OLA1: variants seen among roughly 807,000 people sequenced by gnomAD.
OLA1 encodes Obg like ATPase 1.
A neutral mutation model predicts 48.4 loss-of-function variants in OLA1; 14 were observed. The ratio of observed to expected loss-of-function variants is 0.29; its 90% CI spans 0.19 to 0.45. The LOEUF is 0.45. OLA1 is among the 20% of genes least tolerant of loss of function. OLA1 has a pLI of 1.00. For synonymous variants in OLA1, 127 were observed against 150.4 expected (o/e 0.84, Z 1.14); for missense variants, 325 against 467.1 (o/e 0.70, Z 2.80).
chr2:174,098,352 G>A (rs16862357), intron 7 of OLA1, among the ~76,000 whole-genome samples: 15,096 of 152,008 alleles, frequency 0.099, 1,039 homozygotes, highest in African/African-American at 0.18. Flanking sequence ...TGGTGTTTAC[G>A]GTCTTATACA....
intron 4 of OLA1, among the ~76,000 whole-genome samples, chr2:174,218,232 A>T (rs1023723964): frequency 6.6e-6 from 1 of 152,140 alleles, no homozygotes; most frequent in Non-Finnish European, 1.5e-5. Flanking sequence ...TTTTTGGAAA[A>T]GTATTCCAAG....
chr2:174,096,600 T>C (rs966888592), intron 7 of OLA1, among the ~76,000 whole-genome samples: 1 of 152,174 alleles, frequency 6.6e-6, no homozygotes, highest in African/African-American at 2.4e-5. Context: ...CAATTCAAAT[T>C]ACAGCTCAAT....
At chr2:174,109,705 C>A (rs2105357984) in intron 7 of OLA1, among the ~76,000 whole-genome samples, 1 of 152,044 alleles carries the variant, frequency 6.6e-6, no homozygotes, top group African/African-American at 2.4e-5. Flanking sequence ...ATATGCCATG[C>A]AAACTATTCT....
rs2105367649 is a variant in OLA1, at chr2:174,123,067, T to A, written c.728+113A>T. 12 of 588,672 alleles carry A rather than the reference T, an allele frequency of 2.0e-5. No homozygotes were observed. The South Asian group carries it at 2.7e-4, about 13-fold the overall frequency. 36.5% of individuals were successfully genotyped at this position (588,672 alleles called of 1,614,324 possible). ...TTCTCATCCATTTTAAACTTTTTAATAAGGAGAAAAATATTAAAATTAAAC... is the reference window on the plus strand; with the variant it reads ...TTCTCATCCATTTTAAACTTTTTAAAAAGGAGAAAAATATTAAAATTAAAC... On this transcript the variant is annotated intron_variant, in intron 7 of 10. Coordinates refer to ENST00000284719, the MANE Select transcript of OLA1 (RefSeq NM_013341.5).
rs540987748 is a variant in OLA1, at chr2:174,239,330, G to A, written c.101+7385C>T. ...GTGAAGAAATCTGTCAGATACCAACGAGCAATCAAAGTTAATATCACCAAA... is the reference window on the plus strand; with the variant it reads ...GTGAAGAAATCTGTCAGATACCAACAAGCAATCAAAGTTAATATCACCAAA... On this transcript the variant is annotated intron_variant, in intron 2 of 10. Transcript: ENST00000284719. Among the ~76,000 whole-genome samples the A allele has an allele frequency of 4.6e-5, 7 of 152,224 alleles. No individual in the cohort carries two copies. In the South Asian group the frequency reaches 6.2e-4, roughly 14 times the overall value.
intron 4 of OLA1, among the ~76,000 whole-genome samples, chr2:174,151,865 G>A (rs763185210): frequency 1.3e-5 from 2 of 152,130 alleles, no homozygotes; most frequent in Non-Finnish European, 2.9e-5. Flanking sequence ...GGATGTGAAC[G>A]GGACGAGGGA....
chr2:174,147,126 G>A (rs930964331), intron 4 of OLA1, among the ~76,000 whole-genome samples: 7 of 152,144 alleles, frequency 4.6e-5, no homozygotes. Context: ...TTGTGTGACT[G>A]AACAGCAACA....
At chr2:174,227,846 C>A (rs1432241921) in intron 3 of OLA1, among the ~76,000 whole-genome samples, 1 of 151,996 alleles carries the variant, frequency 6.6e-6, no homozygotes, top group Non-Finnish European at 1.5e-5. Flanking sequence ...AAAATTAATT[C>A]ATCAAAAAAA....
chr2:174,215,022 C>G (rs1220860182), intron 4 of OLA1, among the ~76,000 whole-genome samples: 1 of 151,460 alleles, frequency 6.6e-6, no homozygotes, highest in East Asian at 1.9e-4. Context: ...TACACTCCAG[C>G]CTGGGCGACA....
chr2:174,180,935 T>C (rs918772388), intron 4 of OLA1, among the ~76,000 whole-genome samples: 1 of 152,226 alleles, frequency 6.6e-6, no homozygotes, highest in Non-Finnish European at 1.5e-5. Flanking sequence ...TCAGTACTTT[T>C]AGGAAATTAT....
chr2:174,151,690 T>C (rs999308291), intron 4 of OLA1, among the ~76,000 whole-genome samples: 1 of 152,218 alleles, frequency 6.6e-6, no homozygotes, highest in Non-Finnish European at 1.5e-5. Flanking sequence ...TCCCTTATAG[T>C]TCTCTAGCTC....
chr2:174,158,830 A>C (rs182601955), intron 4 of OLA1, among the ~76,000 whole-genome samples: 1 of 152,314 alleles, frequency 6.6e-6, no homozygotes, highest in East Asian at 1.9e-4. Context: ...CGAAAAAACT[A>C]TGAATATTTA....
intron 4 of OLA1, among the ~76,000 whole-genome samples, chr2:174,205,344 G>C (rs772731694): frequency 3.6e-5 from 5 of 140,256 alleles, no homozygotes; most frequent in Admixed American, 2.9e-4. Context: ...CACCTGCCCT[G>C]CACCTTCACA....
intron 5 of OLA1, among the ~76,000 whole-genome samples, chr2:174,131,216 C>A (rs561095485): frequency 6.6e-6 from 1 of 152,166 alleles, no homozygotes; most frequent in South Asian, 2.1e-4. Flanking sequence ...AATAATCACA[C>A]AATATATATT....
intron 4 of OLA1, among the ~76,000 whole-genome samples, chr2:174,166,067 A>G (rs12463397): frequency 0.54 from 81,732 of 151,276 alleles, 22,720 homozygotes; most frequent in East Asian, 0.95. Flanking sequence ...CAGAGGTCAC[A>G]TGAGCAGAGA....
chr2:174,177,110 A>G (rs1249425109), intron 4 of OLA1, among the ~76,000 whole-genome samples: 1 of 152,136 alleles, frequency 6.6e-6, no homozygotes, highest in Non-Finnish European at 1.5e-5. Flanking sequence ...GCAGCCTTTC[A>G]AAGGTGAATC....
At chr2:174,215,110 AAAC>A (rs1427088736) in intron 4 of OLA1, among the ~76,000 whole-genome samples, 1 of 152,142 alleles carries the variant, frequency 6.6e-6, no homozygotes, top group Non-Finnish European at 1.5e-5. Flanking sequence ...AATATTTCCA[AAAC>A]AACAAGAATG....
chr2:174,231,397 G>A (rs1410067662), intron 2 of OLA1, among the ~76,000 whole-genome samples: 1 of 152,074 alleles, frequency 6.6e-6, no homozygotes, highest in Non-Finnish European at 1.5e-5. Context: ...AAATGCTATT[G>A]CATTTTCGTA....
intron 4 of OLA1, among the ~76,000 whole-genome samples, chr2:174,211,925 A>G (rs144270843): frequency 3.1e-3 from 471 of 152,352 alleles, no homozygotes; most frequent in African/African-American, 0.011. Context: ...TGTGGCTATC[A>G]GAAAAATTTT....
Sources: allele counts gnomAD v4.1 joint callset (sites outside exome capture counted in the v4.1 genomes callset), GRCh38; gene constraint gnomAD v4.1.1; transcripts MANE v1.5; gene names NCBI Gene and HGNC (gene_info 2026-07-23, HGNC 2026-07-21).